ERN1: variants seen among roughly 807,000 people sequenced by gnomAD.
ERN1 encodes endoplasmic reticulum to nucleus signaling 1.
In ERN1, 39 loss-of-function variants were observed where a neutral mutation model predicts 113.1. The ratio of observed to expected loss-of-function variants is 0.34; its 90% CI spans 0.27 to 0.45. The LOEUF (loss-of-function observed/expected upper bound fraction) is 0.45, where lower values mean the gene tolerates loss of function less well. ERN1 is among the 20% of genes least tolerant of loss of function. ERN1 has a pLI of 1.00. For missense variants in ERN1, 976 were observed against 1,274.8 expected, an observed-to-expected ratio of 0.77 and a Z score of 3.57; for synonymous variants, 507 against 515.9, an observed-to-expected ratio of 0.98 and a Z score of 0.23.
At chr17:64,129,611 C>A in intron 1 of ERN1, 1 of 365,470 alleles carries the variant, frequency 2.7e-6, no homozygotes, top group East Asian at 4.0e-5. Context: ...GAGGAGGGTC[C>A]CGCAGGTGGG....
chr17:64,068,381 C>T, intron 6 of ERN1, 90 bp from the exon 7 acceptor site: 2 of 916,956 alleles, frequency 2.2e-6, no homozygotes, highest in South Asian at 2.9e-5. Context: ...ACAAACAAAT[C>T]CTCCCTAAAC....
At position 64,106,750 on chromosome 17, in the gene ERN1, ACACACACACACAC is replaced by A. The variant is rs1226618711; in HGVS notation, c.55-8522_55-8510del. 2.8e-3 allele frequency among the ~76,000 whole-genome samples: 411 copies of A among 145,926 alleles called. 1 individual carries two copies. The highest frequency in any genetic ancestry group is 0.011 in the African/African-American group (398 of 36,800). ...CACACACACACACACACACACACACACACACACACACACAAGCTCGCTGTCTCTTTCTCTCATA... is the reference window on the plus strand; with the variant it reads ...CACACACACACACACACACACACACAAAGCTCGCTGTCTCTTTCTCTCATA... On this transcript the variant is annotated intron_variant, in intron 1 of 21. Coordinates refer to ENST00000433197, the MANE Select transcript of ERN1 (RefSeq NM_001433.5).
chr17:64,093,947 C>T (rs1567877907), intron 2 of ERN1, among the ~76,000 whole-genome samples: 1 of 152,182 alleles, frequency 6.6e-6, no homozygotes, highest in East Asian at 1.9e-4. Flanking sequence ...TTCTGGTGGT[C>T]ACAGAGACTA....
At chr17:64,116,781 G>C (rs561153971) in intron 1 of ERN1, among the ~76,000 whole-genome samples, 1 of 152,128 alleles carries the variant, frequency 6.6e-6, no homozygotes, top group African/African-American at 2.4e-5. Context: ...TCCCTGACAG[G>C]ATTTAATGTC....
intron 1 of ERN1, chr17:64,103,002 G>A: frequency 3.1e-6 from 3 of 971,176 alleles, no homozygotes; most frequent in Non-Finnish European, 3.7e-6. Flanking sequence ...CAGGCATCTA[G>A]TCTAGCCTAA....
Position 64,044,274 on chromosome 17 carries a change from T to G in ERN1, c.2722-74A>C, listed in dbSNP as rs1219241432. On this transcript the variant is annotated intron_variant, in intron 21 of 21. Coordinates refer to ENST00000433197, the MANE Select transcript of ERN1 (RefSeq NM_001433.5). This position sits in a 1 kb window ranked among gnomAD's most constrained non-coding sequence, Gnocchi z 4.1. ...CGGGAAATGTTGGCAAAACACCCTT[T>G]CATCATGCAAGGAAGAGACAGAATG... The G allele has an allele frequency of 7.6e-6, 8 of 1,054,702 alleles. No individual in the cohort carries two copies. The highest frequency in any genetic ancestry group is 9.4e-6 in the Non-Finnish European group (7 of 746,862). 65.3% of individuals were successfully genotyped at this position (1,054,702 alleles called of 1,614,324 possible). A position where few individuals can be genotyped will look rare whatever the true frequency, so the allele number is the denominator to read the frequency against.
At chr17:64,097,719 A>G (rs1235962269) in intron 2 of ERN1, among the ~76,000 whole-genome samples, 1 of 152,234 alleles carries the variant, frequency 6.6e-6, no homozygotes, top group Non-Finnish European at 1.5e-5. Context: ...TTCAGCCTCT[A>G]TAAAAACAAA....
In ERN1 at chr17:64,064,052, T is replaced by C; in HGVS notation, c.1021A>G (p.Lys341Glu). The C allele has an allele frequency of 6.2e-7, 1 of 1,613,924 alleles. No individual in the cohort carries two copies. The highest frequency in any genetic ancestry group is 8.5e-7 in the Non-Finnish European group (1 of 1,179,848). The change falls in exon 10 of 22, where the codon AAG (lysine) becomes GAG (glutamate). Residue 341 changes from lysine to glutamate, a missense_variant. Around this residue, in one of 5 missense-constraint regions of ERN1, gnomAD observed 459 missense variants for 581.2 expected, o/e 0.79. Coordinates refer to ENST00000433197, the MANE Select transcript of ERN1 (RefSeq NM_001433.5). ...ECVITPSTDV[K>E]FDPGLKSKNK... ...TTGCTTTTGAGTCCGGGATCAAACT[T>C]GACGTCCGTGCTGGGCGTGATCACA... is the stretch of plus-strand genomic sequence containing the variant.
chr17:64,109,134 A>T (rs937746401), intron 1 of ERN1, among the ~76,000 whole-genome samples: 5 of 151,182 alleles, frequency 3.3e-5, no homozygotes, highest in Admixed American at 1.3e-4. Context: ...CAAAAAAAAT[A>T]GAAAAAAAAA....
chr17:64,064,283 A>G (rs1036891230), intron 9 of ERN1, 132 bp from the exon 10 acceptor site: 1 of 980,298 alleles, frequency 1.0e-6, no homozygotes, highest in African/African-American at 1.6e-5. Flanking sequence ...GCAAGACACA[A>G]AGGCCCAAAG....
At position 64,108,085 on chromosome 17, in the gene ERN1, TGA is replaced by T. The variant is rs72266241; in HGVS notation, c.55-9846_55-9845del. 9.0e-3 allele frequency among the ~76,000 whole-genome samples: 1,374 copies of T among 152,296 alleles called. 23 individuals are homozygous for T. Among genetic ancestry groups the T allele is most frequent in the African/African-American group, 0.032 (1,322 of 41,550 alleles). On this transcript the variant is annotated intron_variant, in intron 1 of 21. Coordinates refer to ENST00000433197, the MANE Select transcript of ERN1 (RefSeq NM_001433.5). ...CTGTGTGGTTTCCAAACTAAGCAGCTGAGAGAGTTAAACTTTCAGTGTTTGTG... is the reference window on the plus strand; with the variant it reads ...CTGTGTGGTTTCCAAACTAAGCAGCTGAGAGTTAAACTTTCAGTGTTTGTG...
At chr17:64,051,630 T>C (rs1312534508) in intron 17 of ERN1, among the ~76,000 whole-genome samples, 2 of 152,270 alleles carry the variant, frequency 1.3e-5, no homozygotes, top group Admixed American at 6.5e-5. Context: ...TATAACCCAC[T>C]GCCTGGACTC....
chr17:64,092,513 C>T (rs1289272438), intron 2 of ERN1, among the ~76,000 whole-genome samples: 1 of 152,130 alleles, frequency 6.6e-6, no homozygotes, highest in Admixed American at 6.5e-5. Context: ...TATCATTTAT[C>T]TAAATGTCCA....
chr17:64,114,392 G>A (rs951319611), intron 1 of ERN1, among the ~76,000 whole-genome samples: 3 of 152,316 alleles, frequency 2.0e-5, no homozygotes, highest in East Asian at 1.9e-4. Context: ...GATGGTGGGG[G>A]AAGCACAGTG....
chr17:64,098,624 T>C (rs1914298727), intron 1 of ERN1: 2 of 525,726 alleles, frequency 3.8e-6, no homozygotes, highest in South Asian at 2.8e-5. Flanking sequence ...AGAATGCCAA[T>C]ACCCACGCAT....
intron 1 of ERN1, chr17:64,128,678 C>T (rs1915146796): frequency 6.6e-6 from 1 of 152,110 alleles, no homozygotes; most frequent in African/African-American, 2.4e-5. Context: ...AGGTGAGGTG[C>T]TCAAGTTCAA....
intron 1 of ERN1, among the ~76,000 whole-genome samples, chr17:64,100,654 C>T (rs1914360782): frequency 6.6e-6 from 1 of 152,046 alleles, no homozygotes; most frequent in Admixed American, 6.6e-5. Flanking sequence ...GCCTGTATTC[C>T]CAGCTATTCA....
At chr17:64,079,417 G>C (rs951019501) in intron 4 of ERN1, among the ~76,000 whole-genome samples, 3 of 152,144 alleles carry the variant, frequency 2.0e-5, no homozygotes, top group Non-Finnish European at 4.4e-5. Context: ...TGTATGGGCT[G>C]GGCCATGAGA....
rs367562294 is a variant in ERN1 at position 64,049,194 on chromosome 17, C to T, written c.2262G>A (p.Thr754=). Residue 754 remains threonine, a synonymous_variant, in exon 18 of 22, where the codon ACG becomes ACA. Coordinates refer to ENST00000433197, the MANE Select transcript of ERN1 (RefSeq NM_001433.5). This position sits in a 1 kb window ranked among gnomAD's most constrained non-coding sequence, Gnocchi z 4.7. ...SEDCKENPTY[T]VDIFSAGCVF... is the part of the protein sequence containing the mutation. ...CGCAGCCTGCAGAAAAGATGTCCAC[C>T]GTGTAGGTCTGAAAAGAGACATGAG... 2.0e-5 allele frequency: 32 copies of T among 1,585,140 alleles called. No individual in the cohort carries two copies. The highest frequency in any genetic ancestry group is 6.7e-5 in the African/African-American group (5 of 74,234).
Sources: allele counts gnomAD v4.1 joint callset (sites outside exome capture counted in the v4.1 genomes callset), GRCh38; gene constraint gnomAD v4.1.1; regional missense constraint gnomAD v4.1.1; non-coding constraint Gnocchi (gnomAD v3.1); transcripts MANE v1.5; gene names NCBI Gene and HGNC (gene_info 2026-07-23, HGNC 2026-07-21).